KSR1: variants seen among roughly 807,000 people sequenced by gnomAD.
KSR1 encodes the protein kinase suppressor of ras 1.
In KSR1, 35 loss-of-function variants were observed where a neutral mutation model predicts 92.9. That is an observed-to-expected ratio of 0.38 (90% CI 0.29 to 0.50). The LOEUF is 0.50. KSR1 is among the 20% of genes least tolerant of loss of function. KSR1 has a pLI of 0.94. For missense variants in KSR1, 972 were observed against 1,158.5 expected (o/e 0.84, Z 2.34); for synonymous variants, 467 against 472.6 (o/e 0.99, Z 0.15).
chr17:27,572,991 G>T (rs977465684), intron 2 of KSR1, among the ~76,000 whole-genome samples: 1 of 152,216 alleles, frequency 6.6e-6, no homozygotes. Flanking sequence ...TTCCAGGGTG[G>T]GCCCCTCACT....
At position 27,624,584 on chromosome 17, in the gene KSR1, A is replaced by C. The variant is rs1324458061; in HGVS notation, c.*1192A>C. Reference sequence around the variant, plus strand: ...GGGCTGGATTTGGAAAAGTCTTTGAAGTGAGAGCACCACGCTTGTCTTCGT... The same window carrying C: ...GGGCTGGATTTGGAAAAGTCTTTGACGTGAGAGCACCACGCTTGTCTTCGT... On this transcript the variant is annotated 3_prime_UTR_variant, in exon 21 of 21. Coordinates refer to ENST00000644974, the MANE Select transcript of KSR1 (RefSeq NM_001394583.1). 3 of 152,226 alleles carry C rather than the reference A, an allele frequency of 2.0e-5. No homozygotes were observed. Among genetic ancestry groups the C allele is most frequent in the Non-Finnish European group, 2.9e-5 (2 of 68,062 alleles). The allele number at this position is 152,226 out of a possible 1,614,324, so 9.4% of individuals were successfully genotyped here. A position where few individuals can be genotyped will look rare whatever the true frequency, so the allele number is the denominator to read the frequency against.
At chr17:27,469,867 GC>G (rs1438897922) in intron 1 of KSR1, among the ~76,000 whole-genome samples, 1 of 152,086 alleles carries the variant, frequency 6.6e-6, no homozygotes, top group Non-Finnish European at 1.5e-5. Context: ...CTAGATTTCT[GC>G]AATTATAAAC....
At chr17:27,561,506 AG>A (rs2071827656) in intron 2 of KSR1, among the ~76,000 whole-genome samples, 1 of 152,126 alleles carries the variant, frequency 6.6e-6, no homozygotes, top group Admixed American at 6.5e-5. Flanking sequence ...GCAAATAACT[AG>A]GGTGCGTAGC....
chr17:27,500,108 C>A (rs1268146436), intron 1 of KSR1, among the ~76,000 whole-genome samples: 2 of 152,182 alleles, frequency 1.3e-5, no homozygotes, highest in African/African-American at 4.8e-5. Context: ...ACTGGAGACC[C>A]AGGTCTGGGG....
chr17:27,604,926 C>A (rs2073698396), intron 13 of KSR1, among the ~76,000 whole-genome samples, 198 bp downstream of exon 13: 1 of 152,206 alleles, frequency 6.6e-6, no homozygotes, highest in Non-Finnish European at 1.5e-5. Context: ...TCTGTCTTCC[C>A]CACACTCCCC....
chr17:27,608,620 A>C (rs2073829451), intron 15 of KSR1, among the ~76,000 whole-genome samples: 1 of 147,954 alleles, frequency 6.8e-6, no homozygotes, highest in African/African-American at 2.5e-5. Flanking sequence ...CACTGTGTCC[A>C]AGGCCACAGA....
At position 27,609,236 on chromosome 17, in the gene KSR1, A is replaced by T. The variant is rs1334179368; in HGVS notation, c.2132A>T (p.Asp711Val). 3 of 1,613,994 alleles carry T rather than the reference A, an allele frequency of 1.9e-6. No individual in the cohort carries two copies. Among genetic ancestry groups the T allele is most frequent in the Non-Finnish European group, 2.5e-6 (3 of 1,179,884 alleles). Residue 711 changes from aspartate to valine, a missense_variant, in exon 16 of 21, where the codon GAT becomes GTT. Transcript: ENST00000644974. ...CATGCCAAGGGCATCGTACACAAAGATCTCAAATCTAAGAACGTCTTCTAT... is the reference window on the plus strand; with the variant it reads ...CATGCCAAGGGCATCGTACACAAAGTTCTCAAATCTAAGAACGTCTTCTAT... ...YLHAKGIVHK[D>V]LKSKNVFYDN...
At position 27,510,288 on chromosome 17, in the gene KSR1, G is replaced by A. The variant is rs56393304; in HGVS notation, c.232-40280G>A. 4.9e-3 allele frequency among the ~76,000 whole-genome samples: 749 copies of A among 152,324 alleles called. 7 individuals are homozygous for A. Among genetic ancestry groups the A allele is most frequent in the African/African-American group, 0.017 (702 of 41,586 alleles). Reference sequence around the variant, plus strand: ...TGCCCCACCAGGGCTCTTCCTGACCGTGGTTATCCCAGTGACCTCTGGCAC... The same window carrying A: ...TGCCCCACCAGGGCTCTTCCTGACCATGGTTATCCCAGTGACCTCTGGCAC... On this transcript the variant is annotated intron_variant, in intron 1 of 20. Transcript: ENST00000644974.
chr17:27,467,770 T>C (rs143427556), intron 1 of KSR1, among the ~76,000 whole-genome samples: 3 of 152,250 alleles, frequency 2.0e-5, no homozygotes, highest in African/African-American at 4.8e-5. Flanking sequence ...TCAAGTTCCC[T>C]GTGCTCCATC....
At chr17:27,467,812 T>C (rs937032557) in intron 1 of KSR1, among the ~76,000 whole-genome samples, 2 of 132,226 alleles carry the variant, frequency 1.5e-5, no homozygotes, top group Non-Finnish European at 3.5e-5. Context: ...GTTTATGTTT[T>C]GTTTTTTTTT....
intron 3 of KSR1, 36 bp from the exon 4 acceptor site, chr17:27,582,610 C>A: frequency 6.4e-7 from 1 of 1,564,116 alleles, no homozygotes. Context: ...TTCCTTCCAG[C>A]CCTGACCATC....
intron 15 of KSR1, 120 bp from the exon 16 acceptor site, chr17:27,609,076 G>A (rs1283154115): frequency 8.6e-7 from 1 of 1,165,678 alleles, no homozygotes; most frequent in Non-Finnish European, 1.2e-6. Context: ...CTGTAAAATG[G>A]GGACAATATA....
At chr17:27,621,923 CTG>C (rs1213897312) in intron 20 of KSR1, 2 of 1,613,816 alleles carry the variant, frequency 1.2e-6, no homozygotes, top group South Asian at 1.1e-5. Context: ...CTCTTTCCCT[CTG>C]TAGGTTGTAG....
intron 2 of KSR1, among the ~76,000 whole-genome samples, chr17:27,558,703 GT>G (rs71840627): frequency 0.56 from 79,672 of 143,188 alleles, 21,606 homozygotes; most frequent in Admixed American, 0.67. Flanking sequence ...TCTGTTTTTT[GT>G]TTTTTTTTTT....
intron 1 of KSR1, among the ~76,000 whole-genome samples, chr17:27,508,199 C>A (rs1306842477): frequency 6.6e-6 from 1 of 152,086 alleles, no homozygotes; most frequent in African/African-American, 2.4e-5. Context: ...GGTGGAGTGG[C>A]TTGTTAGGGT....
rs562116129 is a variant in KSR1, at chr17:27,531,445, T to A, written c.232-19123T>A. ...AGCTGAGGGGGTGGCCCTGGTCACATGTTGCAGGTCTCTGGAGGGGGTGTA... is the reference window on the plus strand; with the variant it reads ...AGCTGAGGGGGTGGCCCTGGTCACAAGTTGCAGGTCTCTGGAGGGGGTGTA... On this transcript the variant is annotated intron_variant, in intron 1 of 20. Transcript: ENST00000644974. Among the ~76,000 whole-genome samples the A allele has an allele frequency of 2.0e-5, 3 of 152,330 alleles. No individual in the cohort carries two copies. The South Asian group carries it at 6.2e-4, about 32-fold the overall frequency.
In KSR1 at chr17:27,561,469, C is replaced by T. The variant is rs962897473; in HGVS notation, c.372+10761C>T. Among the ~76,000 whole-genome samples, 73 of 152,320 alleles carry T rather than the reference C, an allele frequency of 4.8e-4. 1 individual carries two copies. Among genetic ancestry groups the T allele is most frequent in the African/African-American group, 1.7e-3 (72 of 41,576 alleles). On this transcript the variant is annotated intron_variant, in intron 2 of 20. Coordinates refer to ENST00000644974, the MANE Select transcript of KSR1 (RefSeq NM_001394583.1). Reference sequence around the variant, plus strand: ...TGAGCAAAATAGTCTGTCCTGGATGCTTACAGCTAGTGTGATGCACACGTC... The same window carrying T: ...TGAGCAAAATAGTCTGTCCTGGATGTTTACAGCTAGTGTGATGCACACGTC...
intron 1 of KSR1, among the ~76,000 whole-genome samples, chr17:27,531,968 A>G (rs755974388): frequency 3.9e-5 from 6 of 152,214 alleles, no homozygotes; most frequent in East Asian, 1.9e-4. Context: ...GACTTCTGCC[A>G]TCCAGTATGG....
intron 1 of KSR1, among the ~76,000 whole-genome samples, chr17:27,481,374 A>G (rs8069590): frequency 0.41 from 62,492 of 151,950 alleles, 13,616 homozygotes; most frequent in African/African-American, 0.55. Context: ...ATTTCTTCTG[A>G]AGTCTCTTTC....
Sources: gnomAD v4.1 joint callset for allele counts (sites outside exome capture counted in the v4.1 genomes callset) on GRCh38, gnomAD v4.1.1 for gene constraint, MANE v1.5 for transcripts, NCBI Gene and HGNC (gene_info 2026-07-23, HGNC 2026-07-21) for gene names.